The following NPR3 variants were observed in gnomAD, a reference collection of about 807,000 sequenced individuals.
NPR3 encodes the protein natriuretic peptide receptor 3, also known as atrial natriuretic peptide receptor 3.
In NPR3, 34 loss-of-function variants were observed where a neutral mutation model predicts 54.5. The observed-to-expected ratio is 0.62, with a 90% confidence interval of 0.47 to 0.83. The LOEUF is 0.83. Among genes scored for constraint, NPR3 ranks in the 40% least tolerant of loss-of-function variants. The probability of loss-of-function intolerance (pLI) is 0.00; values close to 1 mark genes in which losing one functional copy is unlikely to be tolerated. For synonymous variants in NPR3, 289 were observed against 297.1 expected (o/e 0.97, Z 0.28); for missense variants, 674 against 720.8 (o/e 0.94, Z 0.74).
At chr5:32,785,210 T>C (rs1742554764) in intron 7 of NPR3, among the ~76,000 whole-genome samples, 1 of 142,366 alleles carries the variant, frequency 7.0e-6, no homozygotes, top group Non-Finnish European at 1.5e-5. Flanking sequence ...TGGAGTGCAG[T>C]GGCACGATCT....
chr5:32,710,860 T>TTTGTTTG (rs1491373420), upstream of NPR3: 1 of 208,536 alleles, frequency 4.8e-6, no homozygotes, highest in African/African-American at 6.1e-5. Flanking sequence ...CCAGTCCTGG[T>TTTGTTTG]TTTTTTTTTT....
intron 3 of NPR3, among the ~76,000 whole-genome samples, chr5:32,741,776 T>C (rs962794895): frequency 2.6e-5 from 4 of 151,964 alleles, no homozygotes; most frequent in Non-Finnish European, 5.9e-5. Flanking sequence ...TTTTTCTTTT[T>C]TTTTTTGAGA....
chr5:32,790,003 C>T lies in NPR3; in HGVS notation c.*3658C>T, dbSNP rs541443399. 3.6e-4 allele frequency: 93 copies of T among 260,158 alleles called. 1 individual carries two copies. In the South Asian group the frequency reaches 5.1e-3, roughly 14 times the overall value. 16.1% of individuals were successfully genotyped at this position (260,158 alleles called of 1,614,324 possible). ...GAGTAAATGTCAGCCCAAATTAGGC[C>T]CCTCGACCTACAGACATTTCATGGG... is the stretch of plus-strand genomic sequence containing the variant. On this transcript the variant is annotated 3_prime_UTR_variant, in exon 8 of 8. Coordinates refer to ENST00000265074, the MANE Select transcript of NPR3 (RefSeq NM_001204375.2).
At chr5:32,704,404 A>G (rs868838808) in intron 1 of NPR3, among the ~76,000 whole-genome samples, 21 of 111,806 alleles carry the variant, frequency 1.9e-4, no homozygotes, top group South Asian at 2.5e-4. Context: ...GTGTGTGTGT[A>G]TAGTTGTTCA....
chr5:32,720,885 A>G (rs1738821137), intron 1 of NPR3, among the ~76,000 whole-genome samples: 1 of 152,198 alleles, frequency 6.6e-6, no homozygotes, highest in Non-Finnish European at 1.5e-5. Context: ...TTGTCCACAA[A>G]TTTGTTGATG....
intron 1 of NPR3, among the ~76,000 whole-genome samples, chr5:32,694,504 T>C (rs1032843128): frequency 6.6e-6 from 1 of 152,128 alleles, no homozygotes. Context: ...CTCAACCTTA[T>C]TGCTACACCA....
chr5:32,719,787 TG>T (rs11305380), intron 1 of NPR3, among the ~76,000 whole-genome samples: 72,892 of 142,342 alleles, frequency 0.51, 20,090 homozygotes, highest in Middle Eastern at 0.62. Flanking sequence ...ATGTTGTTGT[TG>T]TTTTTTTTTT....
At chr5:32,728,837 G>GTATATA (rs70961659) in intron 2 of NPR3, among the ~76,000 whole-genome samples, 774 of 47,882 alleles carry the variant, frequency 0.016, 22 homozygotes, top group East Asian at 0.068. Flanking sequence ...GTGTGTGTGT[G>GTATATA]TATATATATA....
intron 3 of NPR3, among the ~76,000 whole-genome samples, chr5:32,756,152 T>TTCTA (rs1740827900): frequency 6.6e-6 from 1 of 152,232 alleles, no homozygotes; most frequent in Non-Finnish European, 1.5e-5. Context: ...GTATTTCTAG[T>TTCTA]TCTAGATCCT....
chr5:32,739,191 T>TTA (rs1561099790), intron 3 of NPR3, among the ~76,000 whole-genome samples, 161 bp downstream of exon 3: 4 of 151,544 alleles, frequency 2.6e-5, no homozygotes, highest in African/African-American at 9.7e-5. Flanking sequence ...GTGTTTTTTT[T>TTA]TTTTCCTTTC....
chr5:32,749,540 T>C (rs1234992276), intron 3 of NPR3, among the ~76,000 whole-genome samples: 3 of 152,216 alleles, frequency 2.0e-5, no homozygotes, highest in African/African-American at 7.2e-5. Context: ...GGTAATAATG[T>C]ATCAAGCTTG....
intron 4 of NPR3, among the ~76,000 whole-genome samples, chr5:32,780,021 G>A (rs147509137): frequency 7.8e-4 from 119 of 152,266 alleles, no homozygotes; most frequent in Middle Eastern, 3.4e-3. Flanking sequence ...GGATTTTAAT[G>A]CAAGTGGTTA....
Position 32,782,910 on chromosome 5 carries a change from T to A in NPR3, c.1308T>A (p.Phe436Leu). 6.2e-7 allele frequency: 1 copy of A among 1,611,762 alleles called. No individual in the cohort carries two copies. Among genetic ancestry groups the A allele is most frequent in the Non-Finnish European group, 8.5e-7 (1 of 1,178,842 alleles). The change falls in exon 6 of 8, where the codon TTT becomes TTA. Residue 436 changes from phenylalanine (F) to leucine (L), a missense_variant. By Grantham distance (22) the Phe-to-Leu change is conservative. Transcript: ENST00000265074. ...CTATATAGGTTATTGGTGATTATTT[T>A]GGAAAAGAAGGTCGTTTTGAAATGC... ...AGTQEVIGDY[F>L]GKEGRFEMRP...
At chr5:32,700,040 T>C (rs1740628688) in intron 1 of NPR3, among the ~76,000 whole-genome samples, 1 of 152,232 alleles carries the variant, frequency 6.6e-6, no homozygotes, top group Non-Finnish European at 1.5e-5. Context: ...GCCTGTAAGG[T>C]TTCTACTGAG....
intron 2 of NPR3, among the ~76,000 whole-genome samples, chr5:32,732,832 CTATTT>C (rs1175938898): frequency 1.3e-5 from 2 of 151,936 alleles, no homozygotes; most frequent in Admixed American, 6.6e-5. Context: ...TTATTTATTA[CTATTT>C]TATTTTATTT....
At chr5:32,735,262 G>A (rs181399340) in intron 2 of NPR3, among the ~76,000 whole-genome samples, 1 of 151,906 alleles carries the variant, frequency 6.6e-6, no homozygotes, top group African/African-American at 2.4e-5. Flanking sequence ...CCTCCATCTG[G>A]CTCTGCTGCT....
At chr5:32,760,884 T>A (rs1418731295) in intron 3 of NPR3, among the ~76,000 whole-genome samples, 1 of 152,166 alleles carries the variant, frequency 6.6e-6, no homozygotes, top group Non-Finnish European at 1.5e-5. Flanking sequence ...TTTTAGTTTT[T>A]TCCCATCTTT....
chr5:32,749,962 T>C (rs1459368711), intron 3 of NPR3, among the ~76,000 whole-genome samples: 1 of 152,158 alleles, frequency 6.6e-6, no homozygotes, highest in African/African-American at 2.4e-5. Flanking sequence ...TTTCAACTAA[T>C]CTTGCTATTT....
intron 1 of NPR3, among the ~76,000 whole-genome samples, chr5:32,721,039 C>T (rs1048260204): frequency 6.6e-6 from 1 of 152,182 alleles, no homozygotes; most frequent in African/African-American, 2.4e-5. Flanking sequence ...AAAATACTTG[C>T]TGTTCAATTA....
Sources: allele counts gnomAD v4.1 joint callset (sites outside exome capture counted in the v4.1 genomes callset), GRCh38; gene constraint gnomAD v4.1.1; transcripts MANE v1.5; gene names NCBI Gene and HGNC (gene_info 2026-07-23, HGNC 2026-07-21).